The following OPCML variants were observed in gnomAD, a reference collection of about 807,000 sequenced individuals.
OPCML encodes opioid-binding protein/cell adhesion molecule.
A neutral mutation model predicts 37.8 loss-of-function variants in OPCML; 13 were observed. The ratio of observed to expected loss-of-function variants is 0.34; its 90% CI spans 0.22 to 0.55. The LOEUF (loss-of-function observed/expected upper bound fraction) is 0.55, where lower values mean the gene tolerates loss of function less well. Among genes scored for constraint, OPCML ranks in the 20% least tolerant of loss-of-function variants. The pLI is 0.91. For synonymous variants in OPCML, 176 were observed against 168.8 expected (o/e 1.04, Z -0.33); for missense variants, 341 against 435.6 (o/e 0.78, Z 1.93).
chr11:133,476,959 T>G (rs1487340142), intron 1 of OPCML, among the ~76,000 whole-genome samples: 1 of 152,082 alleles, frequency 6.6e-6, no homozygotes, highest in Non-Finnish European at 1.5e-5. Context: ...AGACTGGGTG[T>G]GAAGGGGAGA....
intron 7 of OPCML, among the ~76,000 whole-genome samples, chr11:132,430,010 G>A (rs1314724797): frequency 2.0e-5 from 3 of 152,180 alleles, no homozygotes; most frequent in African/African-American, 4.8e-5. Context: ...GCATTGTGGG[G>A]TGAGAGGGGC....
chr11:133,249,256 AG>A (rs1184755632), intron 1 of OPCML, among the ~76,000 whole-genome samples: 9 of 152,262 alleles, frequency 5.9e-5, no homozygotes, highest in African/African-American at 1.9e-4. Flanking sequence ...TCATGGCAGA[AG>A]GCAAAGCGGA....
chr11:132,769,706 C>T lies in OPCML; in HGVS notation c.147-112387G>A, dbSNP rs183140471. On this transcript the variant is annotated intron_variant, in intron 2 of 7. Coordinates refer to ENST00000524381, the MANE Select transcript of OPCML (RefSeq NM_001012393.5). ...GCCACAGACACGCATGTGGGAGACT[C>T]GCGCACCCACACCAAAGCTGACTTC... 2.0e-5 allele frequency among the ~76,000 whole-genome samples: 3 copies of T among 152,220 alleles called. No individual in the cohort carries two copies. In the East Asian group the frequency reaches 5.8e-4, roughly 29 times the overall value.
chr11:132,866,654 A>G (rs561922099), intron 2 of OPCML, among the ~76,000 whole-genome samples: 1 of 152,364 alleles, frequency 6.6e-6, no homozygotes, highest in East Asian at 1.9e-4. Flanking sequence ...TTTTACTAAC[A>G]TTGTTAATAA....
At chr11:133,375,729 A>G (rs934985177) in intron 1 of OPCML, among the ~76,000 whole-genome samples, 1 of 152,138 alleles carries the variant, frequency 6.6e-6, no homozygotes, top group South Asian at 2.1e-4. Context: ...CAAAAAATGT[A>G]TAGTCTCTAT....
At chr11:133,343,124 A>C (rs7925902) in intron 1 of OPCML, among the ~76,000 whole-genome samples, 33,276 of 152,070 alleles carry the variant, frequency 0.22, 5,212 homozygotes, top group African/African-American at 0.44. Context: ...CCACTGTGAC[A>C]CACCATGATG....
At chr11:133,527,416 G>A (rs957040540) in intron 1 of OPCML, among the ~76,000 whole-genome samples, 1 of 152,192 alleles carries the variant, frequency 6.6e-6, no homozygotes, top group African/African-American at 2.4e-5. Context: ...TTTGAGGCAG[G>A]AGAATATCTT....
intron 1 of OPCML, among the ~76,000 whole-genome samples, chr11:133,446,373 G>A (rs1423443705): frequency 6.6e-6 from 1 of 152,180 alleles, no homozygotes; most frequent in African/African-American, 2.4e-5. Context: ...TAATCATGAT[G>A]AGGTATAACT....
chr11:133,480,207 A>T (rs970943875), intron 1 of OPCML, among the ~76,000 whole-genome samples: 2 of 152,186 alleles, frequency 1.3e-5, no homozygotes, highest in Non-Finnish European at 2.9e-5. Flanking sequence ...ATGCTTGCTC[A>T]TCCATTCACT....
rs2095953426 is a variant in OPCML, at chr11:132,420,269, A to G, written c.941T>C (p.Val314Ala). 4 of 1,613,870 alleles carry G rather than the reference A, an allele frequency of 2.5e-6. 1 individual carries two copies. Among genetic ancestry groups the G allele is most frequent in the East Asian group, 2.2e-5 (1 of 44,844 alleles). The stretch of plus-strand genomic sequence containing the variant: ...AGCCAGTGCTCTGGAGGCCGAGTTT[A>G]CACCATCAATGACTGCTCCAGGCCC... ...LYGPGAVIDG[V>A]NSASRALACL... The change falls in exon 8 of 8, where the codon GTA becomes GCA. Residue 314 changes from valine to alanine, a missense_variant. By Grantham distance (64) the Val-to-Ala change is moderately conservative. Transcript: ENST00000524381.
chr11:132,519,636 A>C (rs2096287894), intron 4 of OPCML, among the ~76,000 whole-genome samples: 1 of 152,168 alleles, frequency 6.6e-6, no homozygotes, highest in Non-Finnish European at 1.5e-5. Flanking sequence ...ACCTTCACAC[A>C]CTTCTCATTT....
rs549069317 is a variant in OPCML at position 132,472,094 on chromosome 11, C to G, written c.506-34735G>C. ...CTCAGCTTGGGGGTGCTTCTTCAGT[C>G]GTCTTCCTGACAAATATGTAATAAC... On this transcript the variant is annotated intron_variant, in intron 4 of 7. Coordinates refer to ENST00000524381, the MANE Select transcript of OPCML (RefSeq NM_001012393.5). Among the ~76,000 whole-genome samples, 4 of 152,270 alleles carry G rather than the reference C, an allele frequency of 2.6e-5. No homozygotes were observed. In the South Asian group the frequency reaches 8.3e-4, roughly 32 times the overall value.
intron 1 of OPCML, among the ~76,000 whole-genome samples, chr11:133,388,864 T>A (rs1719370432): frequency 6.6e-6 from 1 of 152,226 alleles, no homozygotes; most frequent in Non-Finnish European, 1.5e-5. Flanking sequence ...TTAAATTTTC[T>A]TGAAGATGTG....
chr11:132,584,267 G>A (rs1483457118), intron 3 of OPCML, among the ~76,000 whole-genome samples: 1 of 152,040 alleles, frequency 6.6e-6, no homozygotes, highest in Non-Finnish European at 1.5e-5. Context: ...ATCTTCATTG[G>A]AGGCAATCAA....
At chr11:132,531,516 A>C (rs1305570005) in intron 3 of OPCML, among the ~76,000 whole-genome samples, 1 of 152,228 alleles carries the variant, frequency 6.6e-6, no homozygotes, top group Non-Finnish European at 1.5e-5. Flanking sequence ...GAGACCTTAC[A>C]GGTAAGTCTT....
intron 2 of OPCML, among the ~76,000 whole-genome samples, chr11:132,787,190 G>A (rs1947242986): frequency 6.6e-6 from 1 of 152,180 alleles, no homozygotes; most frequent in South Asian, 2.1e-4. Flanking sequence ...CTGGGAAGAT[G>A]TACTCTAGCA....
At chr11:133,144,473 G>C (rs1436292338) in intron 1 of OPCML, among the ~76,000 whole-genome samples, 1 of 152,218 alleles carries the variant, frequency 6.6e-6, no homozygotes, top group Non-Finnish European at 1.5e-5. Context: ...GTGATGGCAA[G>C]GAGGGATGGA....
intron 2 of OPCML, among the ~76,000 whole-genome samples, chr11:132,864,127 G>A (rs536939120): frequency 4.6e-5 from 7 of 151,748 alleles, no homozygotes; most frequent in South Asian, 2.1e-4. Flanking sequence ...TAGTAGAGAC[G>A]GGGTTTCACC....
chr11:133,178,356 G>A (rs1411739412), intron 1 of OPCML, among the ~76,000 whole-genome samples: 2 of 152,082 alleles, frequency 1.3e-5, no homozygotes, highest in Non-Finnish European at 2.9e-5. Flanking sequence ...CCTACTCTGG[G>A]GGACATGGTT....
Sources: allele counts gnomAD v4.1 joint callset (sites outside exome capture counted in the v4.1 genomes callset), GRCh38; gene constraint gnomAD v4.1.1; transcripts MANE v1.5; gene names NCBI Gene and HGNC (gene_info 2026-07-23, HGNC 2026-07-21).